TBC1D5: variants seen among roughly 807,000 people sequenced by gnomAD.
TBC1D5 encodes the protein TBC1 domain family, member 5.
TBC1D5 carries 75 observed loss-of-function variants against 100.3 expected under a neutral mutation model. The observed-to-expected ratio is 0.75, with a 90% CI of 0.62 to 0.91. The LOEUF is 0.91. TBC1D5 is among the 40% of genes least tolerant of loss of function. The pLI is 0.00. For missense variants in TBC1D5, 910 were observed against 942.4 expected, an observed-to-expected ratio of 0.97 and a Z score of 0.45; for synonymous variants, 323 against 325.6, an observed-to-expected ratio of 0.99 and a Z score of 0.09.
chr3:17,684,991 A>G (rs7630695), intron 1 of TBC1D5, among the ~76,000 whole-genome samples: 86,766 of 151,816 alleles, frequency 0.57, 25,617 homozygotes, highest in East Asian at 0.99. Context: ...AAACAAGTAA[A>G]AAATGCAGAT....
chr3:17,338,210 T>G (rs981439208), intron 13 of TBC1D5, among the ~76,000 whole-genome samples: 1 of 152,198 alleles, frequency 6.6e-6, no homozygotes, highest in African/African-American at 2.4e-5. Flanking sequence ...CTGAGAATTT[T>G]GGGGATGCTT....
chr3:17,646,548 A>C (rs2065031394), intron 1 of TBC1D5, among the ~76,000 whole-genome samples: 1 of 152,056 alleles, frequency 6.6e-6, no homozygotes, highest in Non-Finnish European at 1.5e-5. Context: ...CTGCTCCCTA[A>C]ATACTATATA....
intron 13 of TBC1D5, among the ~76,000 whole-genome samples, chr3:17,326,996 C>G (rs1273972612): frequency 1.3e-5 from 2 of 152,160 alleles, no homozygotes; most frequent in Non-Finnish European, 2.9e-5. Context: ...ATCTAACCAC[C>G]TTTCACCAAC....
At chr3:17,225,865 A>G (rs916807983) in intron 17 of TBC1D5, among the ~76,000 whole-genome samples, 4 of 152,126 alleles carry the variant, frequency 2.6e-5, no homozygotes, top group African/African-American at 9.7e-5. Context: ...CAACAAACCC[A>G]GTATAACATA....
chr3:17,676,383 A>C (rs999040094), intron 1 of TBC1D5, among the ~76,000 whole-genome samples: 2 of 152,308 alleles, frequency 1.3e-5, no homozygotes, highest in African/African-American at 2.4e-5. Context: ...CCAAATCACG[A>C]GTGAACTCCC....
intron 17 of TBC1D5, among the ~76,000 whole-genome samples, chr3:17,227,683 A>ACTGG (rs1158709100): frequency 6.6e-6 from 1 of 151,950 alleles, no homozygotes; most frequent in Non-Finnish European, 1.5e-5. Flanking sequence ...AACAACAGAC[A>ACTGG]CTGGGGCTTA....
At chr3:17,719,317 T>A (rs909567036) in intron 1 of TBC1D5, among the ~76,000 whole-genome samples, 16 of 152,090 alleles carry the variant, frequency 1.1e-4, no homozygotes, top group Non-Finnish European at 2.1e-4. Flanking sequence ...AAATGAAAGG[T>A]TTCTCAGCAG....
At chr3:17,544,061 G>T (rs1327645264) in intron 2 of TBC1D5, among the ~76,000 whole-genome samples, 1 of 151,788 alleles carries the variant, frequency 6.6e-6, no homozygotes, top group Non-Finnish European at 1.5e-5. Context: ...GTAAAGACAG[G>T]GTTTCACCAT....
At chr3:17,608,151 G>A (rs962203211) in intron 2 of TBC1D5, among the ~76,000 whole-genome samples, 1 of 152,134 alleles carries the variant, frequency 6.6e-6, no homozygotes, top group Non-Finnish European at 1.5e-5. Context: ...CAGATACTAG[G>A]GGGGCTGAGG....
intron 3 of TBC1D5, among the ~76,000 whole-genome samples, chr3:17,473,408 T>C (rs2095403522): frequency 6.6e-6 from 1 of 152,192 alleles, no homozygotes; most frequent in Non-Finnish European, 1.5e-5. Context: ...AATGTAAACA[T>C]GAATTCATAT....
intron 20 of TBC1D5, among the ~76,000 whole-genome samples, chr3:17,167,396 G>A (rs1039454541): frequency 6.6e-6 from 1 of 152,218 alleles, no homozygotes; most frequent in South Asian, 2.1e-4. Context: ...GAGGCCTGCT[G>A]TAGGTACTAA....
At chr3:17,719,870 G>T (rs761069735) in intron 1 of TBC1D5, among the ~76,000 whole-genome samples, 1 of 152,092 alleles carries the variant, frequency 6.6e-6, no homozygotes, top group Non-Finnish European at 1.5e-5. Context: ...GTTTTATAGT[G>T]TCTTTTCTAA....
intron 1 of TBC1D5, among the ~76,000 whole-genome samples, chr3:17,704,519 C>G (rs1314115908): frequency 8.0e-5 from 8 of 100,414 alleles, no homozygotes; most frequent in African/African-American, 1.1e-4. Context: ...CGCCCCTCAC[C>G]TCCCGGACGG....
chr3:17,418,083 T>C (rs1165131347), intron 4 of TBC1D5, among the ~76,000 whole-genome samples: 1 of 152,154 alleles, frequency 6.6e-6, no homozygotes, highest in South Asian at 2.1e-4. Context: ...TCTATAATCA[T>C]GGAATGAAAA....
At chr3:17,428,737 C>A (rs910336031) in intron 3 of TBC1D5, among the ~76,000 whole-genome samples, 1 of 151,798 alleles carries the variant, frequency 6.6e-6, no homozygotes, top group Non-Finnish European at 1.5e-5. Flanking sequence ...GTAACAGTAC[C>A]AAAGTAATTG....
intron 2 of TBC1D5, chr3:17,576,265 G>C (rs2096656587): frequency 6.6e-6 from 1 of 152,068 alleles, no homozygotes; most frequent in Non-Finnish European, 1.5e-5. Flanking sequence ...AGGTGATGGA[G>C]GTTTTAAGAG....
intron 2 of TBC1D5, among the ~76,000 whole-genome samples, chr3:17,590,418 T>G (rs911830359): frequency 3.3e-5 from 5 of 152,164 alleles, no homozygotes; most frequent in Non-Finnish European, 7.4e-5. Flanking sequence ...TATGAGCAAA[T>G]TGGAAATACC....
At chr3:17,741,115 C>T (rs1480404219), upstream of TBC1D5, among the ~76,000 whole-genome samples, 1 of 152,224 alleles carries the variant, frequency 6.6e-6, no homozygotes, top group Non-Finnish European at 1.5e-5. Context: ...AAGTTATCCA[C>T]TTCCTTGCTA....
At chr3:17,679,079 GA>G (rs34135899) in intron 1 of TBC1D5, among the ~76,000 whole-genome samples, 80,898 of 141,944 alleles carry the variant, frequency 0.57, 23,575 homozygotes, top group East Asian at 0.98. Flanking sequence ...AAAAGTTACA[GA>G]AAAAAAAAAA....
Sources: gnomAD v4.1 joint callset for allele counts (sites outside exome capture counted in the v4.1 genomes callset) on GRCh38, gnomAD v4.1.1 for gene constraint, MANE v1.5 for transcripts, NCBI Gene and HGNC (gene_info 2026-07-23, HGNC 2026-07-21) for gene names.